Variants in RPS6KA4 observed in about 807,000 individuals in gnomAD.
The protein encoded by RPS6KA4 is ribosomal protein S6 kinase A4.
Under a neutral mutation model 89.6 loss-of-function variants are expected in RPS6KA4, and 38 were observed. The observed-to-expected ratio is 0.42, with a 90% confidence interval of 0.33 to 0.56. The LOEUF (loss-of-function observed/expected upper bound fraction) is 0.56, where lower values mean the gene tolerates loss of function less well. RPS6KA4 is among the 20% of genes least tolerant of loss of function. The pLI, the probability that RPS6KA4 is intolerant of heterozygous loss-of-function variation, is 0.07. For synonymous variants in RPS6KA4, 495 were observed against 492.8 expected (o/e 1.00, Z -0.06); for missense variants, 873 against 1,098.8 (o/e 0.79, Z 2.90).
chr11:64,367,926 T>G (rs1049396905), intron 9 of RPS6KA4, among the ~76,000 whole-genome samples: 1 of 152,126 alleles, frequency 6.6e-6, no homozygotes, highest in Admixed American at 6.5e-5. Context: ...CACAGGCTGG[T>G]GGGGACAGAC....
chr11:64,368,415 A>C, intron 10 of RPS6KA4, 53 bp from the exon 11 acceptor site: 1 of 1,542,250 alleles, frequency 6.5e-7, no homozygotes, highest in Non-Finnish European at 8.7e-7. Context: ...CGGGGCTACC[A>C]GGTGGGACCT....
At position 64,370,479 on chromosome 11, in the gene RPS6KA4, G is replaced by A. The variant is rs1478787335; in HGVS notation, c.1958-84G>A. ...GGTGTCCTGGTTGGGGATGGGTAGG[G>A]GAGGAGAGTGGGGCTGTTACGATCT... On this transcript the variant is annotated intron_variant, in intron 15 of 16. Coordinates refer to ENST00000334205, the MANE Select transcript of RPS6KA4 (RefSeq NM_003942.3). This position sits in a 1 kb window ranked among gnomAD's most constrained non-coding sequence, Gnocchi z 4.1. 6.2e-7 allele frequency: 1 copy of A among 1,602,884 alleles called. No individual in the cohort carries two copies. Among genetic ancestry groups the A allele is most frequent in the African/African-American group, 1.3e-5 (1 of 74,600 alleles).
Position 64,360,153 on chromosome 11 carries a change from G to A in RPS6KA4, c.128-10G>A. 1 of 1,540,260 alleles carries A rather than the reference G, an allele frequency of 6.5e-7. No individual in the cohort carries two copies. ...ACAGCCCACCCTCCACCCACTCGCTGCTCCCACAGCCTACGGCAAGGTGTT... is the reference window on the plus strand; with the variant it reads ...ACAGCCCACCCTCCACCCACTCGCTACTCCCACAGCCTACGGCAAGGTGTT... On this transcript the variant is annotated splice_polypyrimidine_tract_variant and intron_variant, in intron 2 of 16. Coordinates refer to ENST00000334205, the MANE Select transcript of RPS6KA4 (RefSeq NM_003942.3).
At chr11:64,369,318 A>AAGAG in intron 12 of RPS6KA4, 128 bp from the exon 13 acceptor site, 1 of 1,113,594 alleles carries the variant, frequency 9.0e-7, no homozygotes, top group East Asian at 2.7e-5. Flanking sequence ...GAAAGAAAGA[A>AAGAG]AAAGGACTTT....
Position 64,368,509 on chromosome 11 carries a change from G to A in RPS6KA4, c.1242G>A (p.Glu414=). 2 of 1,565,240 alleles carry A rather than the reference G, an allele frequency of 1.3e-6. No individual in the cohort carries two copies. Among genetic ancestry groups the A allele is most frequent in the Non-Finnish European group, 8.6e-7 (1 of 1,156,266 alleles). The part of the protein sequence containing the change: ...FFQQYELDLR[E]PALGQGSFSV... Reference sequence around the variant, plus strand: ...AGCAGTACGAGCTGGACCTGCGGGAGCCTGCGCTGGGCCAGGGCAGCTTTT... The same window carrying A: ...AGCAGTACGAGCTGGACCTGCGGGAACCTGCGCTGGGCCAGGGCAGCTTTT... The change falls in exon 11 of 17, where the codon GAG becomes GAA. Residue 414 remains glutamate, a synonymous_variant. Coordinates refer to ENST00000334205, the MANE Select transcript of RPS6KA4 (RefSeq NM_003942.3).
At chr11:64,362,060 C>T (rs190779186) in intron 8 of RPS6KA4, 58 bp downstream of exon 8, 1 of 1,551,652 alleles carries the variant, frequency 6.4e-7, no homozygotes, top group African/African-American at 1.4e-5. Flanking sequence ...GGCTGCTGTT[C>T]CAGGTTGAGG....
chr11:64,363,296 G>A (rs2036801703), intron 8 of RPS6KA4, among the ~76,000 whole-genome samples: 1 of 152,152 alleles, frequency 6.6e-6, no homozygotes, highest in Non-Finnish European at 1.5e-5. Context: ...TGTCTTTGAG[G>A]TGAAGATGTC....
Position 64,359,389 on chromosome 11 carries a change from G to A in RPS6KA4, c.67G>A (p.Gly23Arg). The A allele has an allele frequency of 6.2e-7, 1 of 1,613,556 alleles. No individual in the cohort carries two copies. ...ELRITEANLT[G>R]HEEKVSVENF... is the part of the protein sequence containing the mutation. ...CCCTGTGCCCACAGCCAACCTGACC[G>A]GGCACGAGGAGAAGGTGAGCGTGGA... Residue 23 changes from glycine to arginine, a missense_variant, in exon 2 of 17, where the codon GGG becomes AGG. Coordinates refer to ENST00000334205, the MANE Select transcript of RPS6KA4 (RefSeq NM_003942.3).
In RPS6KA4 at chr11:64,359,214, G is replaced by T. The variant is rs1359337335; in HGVS notation, c.-22G>T. ...GCGCCGCCCGGAGCCCGAGCCGCGCGGGCCCCAGCGACCCGCCCGCCATGG... is the reference window on the plus strand; with the variant it reads ...GCGCCGCCCGGAGCCCGAGCCGCGCTGGCCCCAGCGACCCGCCCGCCATGG... On this transcript the variant is annotated 5_prime_UTR_variant, in exon 1 of 17. Transcript: ENST00000334205. 1 of 1,319,984 alleles carries T rather than the reference G, an allele frequency of 7.6e-7. No homozygotes were observed. The highest frequency in any genetic ancestry group is 3.8e-5 in the Admixed American group (1 of 26,084). 81.8% of individuals were successfully genotyped at this position (1,319,984 alleles called of 1,614,324 possible).
chr11:64,362,160 C>T (rs548010794), intron 8 of RPS6KA4, among the ~76,000 whole-genome samples, 158 bp downstream of exon 8: 2 of 152,312 alleles, frequency 1.3e-5, no homozygotes, highest in African/African-American at 4.8e-5. Context: ...ACATCCATCC[C>T]CACTGAAACT....
intron 8 of RPS6KA4, among the ~76,000 whole-genome samples, chr11:64,363,183 T>C (rs972074751): frequency 6.6e-6 from 1 of 152,240 alleles, no homozygotes; most frequent in Non-Finnish European, 1.5e-5. Flanking sequence ...TGGGTACTTA[T>C]TGTGGGCCAG....
intron 8 of RPS6KA4, among the ~76,000 whole-genome samples, chr11:64,362,354 G>A (rs989434174): frequency 1.3e-5 from 2 of 152,234 alleles, no homozygotes; most frequent in African/African-American, 4.8e-5. Flanking sequence ...TAGATCTCCT[G>A]CTGGTCCAAA....
Position 64,370,474 on chromosome 11 carries a change from G to A in RPS6KA4, c.1958-89G>A. Reference sequence around the variant, plus strand: ...GGCCAGGTGTCCTGGTTGGGGATGGGTAGGGGAGGAGAGTGGGGCTGTTAC... The same window carrying A: ...GGCCAGGTGTCCTGGTTGGGGATGGATAGGGGAGGAGAGTGGGGCTGTTAC... On this transcript the variant is annotated intron_variant, in intron 15 of 16. Coordinates refer to ENST00000334205, the MANE Select transcript of RPS6KA4 (RefSeq NM_003942.3). This position sits in a 1 kb window ranked among gnomAD's most constrained non-coding sequence, Gnocchi z 4.1. The A allele has an allele frequency of 6.2e-7, 1 of 1,603,866 alleles. No homozygotes were observed. Among genetic ancestry groups the A allele is most frequent in the Non-Finnish European group, 8.5e-7 (1 of 1,174,884 alleles).
intron 2 of RPS6KA4, chr11:64,359,684 G>A (rs1252558481): frequency 2.1e-5 from 12 of 567,892 alleles, no homozygotes; most frequent in Non-Finnish European, 3.8e-5. Context: ...CCCTGGATTT[G>A]CCAACACCCT....
In RPS6KA4 at chr11:64,368,172, A is replaced by G. The variant is rs1457498232; in HGVS notation, c.1112A>G (p.Asn371Ser). The G allele has an allele frequency of 2.5e-6, 4 of 1,613,746 alleles. No individual in the cohort carries two copies. The highest frequency in any genetic ancestry group is 3.4e-6 in the Non-Finnish European group (4 of 1,180,008). Residue 371 changes from asparagine (N) to serine (S), a missense_variant, in exon 10 of 17, where the codon AAC becomes AGC. Asn to Ser is a conservative substitution (Grantham distance 46, BLOSUM62 1). Coordinates refer to ENST00000334205, the MANE Select transcript of RPS6KA4 (RefSeq NM_003942.3). ...GCACCCTCCATTCTCTTTGACCACA[A>G]CAACGCGGTGATGACCGATGGGCTG... ...FVAPSILFDH[N>S]NAVMTDGLEA...
rs776911306 is a variant in RPS6KA4 at position 64,369,440 on chromosome 11, C to T, written c.1429-6C>T. On this transcript the variant is annotated splice_polypyrimidine_tract_variant and splice_region_variant and intron_variant, in intron 12 of 16. Transcript: ENST00000334205. ...TGTTGACCTTGGCCCGCCACGCCGCCCGCAGCTGCACACGTACCTGGTCCT... is the reference window on the plus strand; with the variant it reads ...TGTTGACCTTGGCCCGCCACGCCGCTCGCAGCTGCACACGTACCTGGTCCT... 1.3e-5 allele frequency: 21 copies of T among 1,590,168 alleles called. No homozygotes were observed. Among genetic ancestry groups the T allele is most frequent in the Non-Finnish European group, 1.7e-5 (20 of 1,170,818 alleles).
intron 2 of RPS6KA4, 72 bp from the exon 3 acceptor site, chr11:64,360,091 C>T (rs1362105818): frequency 1.3e-5 from 18 of 1,411,750 alleles, no homozygotes; most frequent in African/African-American, 5.7e-5. Context: ...GGGTTGGCAT[C>T]GCCCCCACCC....
At chr11:64,359,730 C>T (rs1306195459) in intron 2 of RPS6KA4, 1 of 555,914 alleles carries the variant, frequency 1.8e-6, no homozygotes, top group South Asian at 2.2e-5. Flanking sequence ...AAGTGATTTG[C>T]ATAGCTCCTC....
rs1253707564 is a variant in RPS6KA4, at chr11:64,361,271, C to A, written c.570+30C>A. On this transcript the variant is annotated intron_variant, in intron 5 of 16. Coordinates refer to ENST00000334205, the MANE Select transcript of RPS6KA4 (RefSeq NM_003942.3). This position sits in a 1 kb window ranked among gnomAD's most constrained non-coding sequence, Gnocchi z 4.7. ...GTGGAGGCCACCTCTGCCTGCAGTG[C>A]CCCATTCAATCCTTCTCCTTCCTGC... 1 of 1,577,826 alleles carries A rather than the reference C, an allele frequency of 6.3e-7. No homozygotes were observed. Among genetic ancestry groups the A allele is most frequent in the South Asian group, 1.1e-5 (1 of 90,130 alleles).
Sources: gnomAD v4.1 joint callset for allele counts (sites outside exome capture counted in the v4.1 genomes callset) on GRCh38, gnomAD v4.1.1 for gene constraint, Gnocchi (gnomAD v3.1) non-coding constraint, MANE v1.5 for transcripts, NCBI Gene and HGNC (gene_info 2026-07-23, HGNC 2026-07-21) for gene names.